The following DLGAP1 variants were observed in gnomAD, a reference collection of about 807,000 sequenced individuals.
DLGAP1 encodes the protein disks large-associated protein 1.
DLGAP1 carries 11 observed loss-of-function variants against 90.8 expected under a neutral mutation model. The ratio of observed to expected loss-of-function variants is 0.12; its 90% CI spans 0.08 to 0.20. The LOEUF (loss-of-function observed/expected upper bound fraction) is 0.20, where lower values mean the gene tolerates loss of function less well. Ranked by LOEUF, DLGAP1 falls within the 10% of genes least tolerant of loss-of-function variation. The pLI, the probability that DLGAP1 is intolerant of heterozygous loss-of-function variation, is 1.00. For synonymous variants in DLGAP1, 558 were observed against 540.7 expected, an observed-to-expected ratio of 1.03 and a Z score of -0.44; for missense variants, 1,050 against 1,333.8, an observed-to-expected ratio of 0.79 and a Z score of 3.31.
rs147826559 is a variant in DLGAP1, at chr18:3,890,121, C to A, written c.-72-9981G>T. Among the ~76,000 whole-genome samples, 23 of 152,350 alleles carry A rather than the reference C, an allele frequency of 1.5e-4. 1 individual carries two copies. The East Asian group carries it at 4.4e-3, about 29-fold the overall frequency. The stretch of plus-strand genomic sequence containing the variant: ...GGGTAACTGCAAGCATACAGAACCT[C>A]CACCACTGTGGTCTACATCCAAGTG... On this transcript the variant is annotated intron_variant, in intron 3 of 12. Coordinates refer to ENST00000315677, the MANE Select transcript of DLGAP1 (RefSeq NM_004746.4).
intron 1 of DLGAP1, among the ~76,000 whole-genome samples, chr18:4,266,483 C>A (rs746129290): frequency 8.9e-4 from 135 of 152,344 alleles, no homozygotes; most frequent in Non-Finnish European, 1.7e-3. Context: ...GAGCACAGAG[C>A]ATAGGTATCT....
chr18:3,904,246 T>C (rs1328971860), intron 3 of DLGAP1, among the ~76,000 whole-genome samples: 1 of 152,224 alleles, frequency 6.6e-6, no homozygotes, highest in Non-Finnish European at 1.5e-5. Context: ...ATAGGGCATG[T>C]AGCACTGCTC....
chr18:3,659,921 T>C (rs187773343), intron 7 of DLGAP1, among the ~76,000 whole-genome samples: 2 of 152,282 alleles, frequency 1.3e-5, no homozygotes, highest in African/African-American at 4.8e-5. Context: ...TCCGGACCCA[T>C]TAGCCACATG....
At chr18:3,519,421 T>G (rs2051037833) in intron 10 of DLGAP1, among the ~76,000 whole-genome samples, 1 of 152,124 alleles carries the variant, frequency 6.6e-6, no homozygotes, top group Non-Finnish European at 1.5e-5. Flanking sequence ...TTTGGTTACC[T>G]CCCTCTCTAA....
chr18:4,236,905 G>A (rs564979784), intron 1 of DLGAP1, among the ~76,000 whole-genome samples: 1 of 152,174 alleles, frequency 6.6e-6, no homozygotes, highest in African/African-American at 2.4e-5. Flanking sequence ...GTGCTTCGTG[G>A]CACAATTTAG....
chr18:3,799,298 A>G (rs111415624), intron 5 of DLGAP1, among the ~76,000 whole-genome samples: 20 of 152,296 alleles, frequency 1.3e-4, no homozygotes, highest in African/African-American at 4.6e-4. Flanking sequence ...GCTGCCTCTA[A>G]GTCAGCAGGA....
chr18:3,966,514 T>C (rs912435481), intron 3 of DLGAP1, among the ~76,000 whole-genome samples: 1 of 151,854 alleles, frequency 6.6e-6, no homozygotes, highest in Non-Finnish European at 1.5e-5. Context: ...TGAGAAAATC[T>C]CTGGTTGCAG....
rs1001800558 is a variant in DLGAP1, at chr18:3,660,250, C to A, written c.1591+68885G>T. Among the ~76,000 whole-genome samples the A allele has an allele frequency of 2.6e-5, 4 of 152,198 alleles. No individual in the cohort carries two copies. Among genetic ancestry groups the A allele is most frequent in the African/African-American group, 7.2e-5 (3 of 41,442 alleles). On this transcript the variant is annotated intron_variant, in intron 7 of 12. Transcript: ENST00000315677. This position sits in a 1 kb window ranked among gnomAD's most constrained non-coding sequence, Gnocchi z 4.2. ...CCTTGAACTTCTGATTTCAAGCAATCCTCCAGCCTCAGACTCCCAAGTAGC... is the reference window on the plus strand; with the variant it reads ...CCTTGAACTTCTGATTTCAAGCAATACTCCAGCCTCAGACTCCCAAGTAGC...
rs5822770 is a variant in DLGAP1, at chr18:3,837,849, C to CAAAA, written c.958-23580_958-23577dup. 9.2e-3 allele frequency among the ~76,000 whole-genome samples: 247 copies of CAAAA among 26,838 alleles called. 45 individuals are homozygous for CAAAA. The highest frequency in any genetic ancestry group is 0.027 in the African/African-American group (193 of 7,062). The allele number at this position is 26,838 out of a possible 152,430, so 17.6% of individuals were successfully genotyped here. A position where few individuals can be genotyped will look rare whatever the true frequency, so the allele number is the denominator to read the frequency against. On this transcript the variant is annotated intron_variant, in intron 4 of 12. Transcript: ENST00000315677. ...CCTGGGCGACAGAGTGAGATTCTGTCAAAAAAAAAAAAAAAAAAAAAAAAA... is the reference window on the plus strand; with the variant it reads ...CCTGGGCGACAGAGTGAGATTCTGTCAAAAAAAAAAAAAAAAAAAAAAAAAAAAA...
At chr18:3,668,515 C>G (rs1598275293) in intron 7 of DLGAP1, among the ~76,000 whole-genome samples, 1 of 152,074 alleles carries the variant, frequency 6.6e-6, no homozygotes, top group East Asian at 1.9e-4. Flanking sequence ...AGATGGGGGT[C>G]TCACTGTGTT....
chr18:3,867,448 C>T (rs561985445), intron 4 of DLGAP1, among the ~76,000 whole-genome samples: 2 of 152,190 alleles, frequency 1.3e-5, no homozygotes, highest in East Asian at 3.9e-4. Context: ...GAGCTCAGCT[C>T]TCTTGCTAAA....
In DLGAP1 at chr18:3,921,444, A is replaced by G. The variant is rs114762204; in HGVS notation, c.-72-41304T>C. On this transcript the variant is annotated intron_variant, in intron 3 of 12. Coordinates refer to ENST00000315677, the MANE Select transcript of DLGAP1 (RefSeq NM_004746.4). ...CATGGTGTGGTGGAAAGAACATGGA[A>G]TGTAGACTCAGAAGACAGGTTTGAA... Among the ~76,000 whole-genome samples the G allele has an allele frequency of 8.9e-3, 1,353 of 152,316 alleles. 12 individuals are homozygous for G. Among genetic ancestry groups the G allele is most frequent in the African/African-American group, 0.026 (1,082 of 41,576 alleles).
chr18:4,352,591 T>G (rs1246029459), intron 1 of DLGAP1, among the ~76,000 whole-genome samples: 1 of 152,120 alleles, frequency 6.6e-6, no homozygotes, highest in African/African-American at 2.4e-5. Flanking sequence ...TGAATTTCCT[T>G]CATCTTCTAG....
chr18:4,106,466 G>A (rs897246854), intron 2 of DLGAP1, among the ~76,000 whole-genome samples: 1 of 152,184 alleles, frequency 6.6e-6, no homozygotes, highest in African/African-American at 2.4e-5. Flanking sequence ...AGAAGAAATT[G>A]TATTTGCCTT....
chr18:3,702,069 G>C (rs2061297224), intron 7 of DLGAP1, among the ~76,000 whole-genome samples: 1 of 152,056 alleles, frequency 6.6e-6, no homozygotes, highest in Admixed American at 6.6e-5. Flanking sequence ...ATTTACTTTT[G>C]AGACAGAGTC....
chr18:3,741,094 C>CCACCACCACCACCATCACCAT (rs2062941060), intron 6 of DLGAP1, among the ~76,000 whole-genome samples: 1 of 115,302 alleles, frequency 8.7e-6, no homozygotes, highest in African/African-American at 3.1e-5. Context: ...ACCATCACCA[C>CCACCACCACCACCATCACCAT]CACCACCATC....
intron 3 of DLGAP1, among the ~76,000 whole-genome samples, chr18:3,969,836 G>A (rs2073407454): frequency 6.6e-6 from 1 of 152,152 alleles, no homozygotes; most frequent in Admixed American, 6.5e-5. Context: ...ATTTTTTAAT[G>A]TGTTTCACGT....
intron 1 of DLGAP1, among the ~76,000 whole-genome samples, chr18:4,232,391 T>C (rs1242933368): frequency 6.6e-6 from 1 of 152,046 alleles, no homozygotes; most frequent in East Asian, 1.9e-4. Context: ...TGGAGAGAAA[T>C]TGTGAGAAAT....
chr18:3,508,997 A>T lies in DLGAP1; in HGVS notation c.2480-336T>A, dbSNP rs200391857. ...ACAGTTGTTGCTTTTTTTTTTTTTT[A>T]AACTTCCTTTACCGCAAGGATGAAT... On this transcript the variant is annotated intron_variant, in intron 10 of 12. Coordinates refer to ENST00000315677, the MANE Select transcript of DLGAP1 (RefSeq NM_004746.4). Among the ~76,000 whole-genome samples the T allele has an allele frequency of 5.6e-4, 81 of 143,386 alleles. 4 individuals are homozygous for T. In the East Asian group the frequency reaches 0.016, roughly 28 times the overall value. 94.1% of individuals were successfully genotyped at this position (143,386 alleles called of 152,430 possible).
Sources: allele counts gnomAD v4.1 joint callset (sites outside exome capture counted in the v4.1 genomes callset), GRCh38; gene constraint gnomAD v4.1.1; non-coding constraint Gnocchi (gnomAD v3.1); transcripts MANE v1.5; gene names NCBI Gene and HGNC (gene_info 2026-07-23, HGNC 2026-07-21).